BPIFA3: variants seen among roughly 807,000 people sequenced by gnomAD.
BPIFA3 encodes BPI fold containing family A member 3.
In BPIFA3, 32 loss-of-function variants were observed where a neutral mutation model predicts 29.7. The observed-to-expected ratio is 1.08, with a 90% CI of 0.81 to 1.45. BPIFA3 has a LOEUF of 1.45. Among genes scored for constraint, BPIFA3 ranks in the 40% most tolerant of loss-of-function variants. The probability of loss-of-function intolerance (pLI) is 0.00; values close to 1 mark genes in which losing one functional copy is unlikely to be tolerated. For synonymous variants in BPIFA3, 112 were observed against 113.7 expected, an observed-to-expected ratio of 0.98 and a Z score of 0.10; for missense variants, 323 against 311.3, an observed-to-expected ratio of 1.04 and a Z score of -0.28.
At position 33,217,434 on chromosome 20, in the gene BPIFA3, CT is replaced by C; in HGVS notation, c.-100del. On this transcript the variant is annotated 5_prime_UTR_variant, in exon 1 of 7. The change abolishes the stop of an existing upstream ORF in the 5' untranslated region. Coordinates refer to ENST00000375454, the MANE Select transcript of BPIFA3 (RefSeq NM_178466.5). ...TGCTGGGGGCTAATTCTGATGTCAT[CT>C]TTCTGCAGAAAACCATTAGACCATC... 1 of 1,430,856 alleles carries C rather than the reference CT, an allele frequency of 7.0e-7. No individual in the cohort carries two copies. The highest frequency in any genetic ancestry group is 2.4e-5 in the East Asian group (1 of 41,298). The allele number at this position is 1,430,856 out of a possible 1,614,324, so 88.6% of individuals were successfully genotyped here.
chr20:33,220,458 G>C (rs974973405), intron 1 of BPIFA3, among the ~76,000 whole-genome samples: 1 of 151,994 alleles, frequency 6.6e-6, no homozygotes. Flanking sequence ...AATTTAAAGA[G>C]AGTTGATATT....
rs901459180 is a variant in BPIFA3 at position 33,227,760 on chromosome 20, A to C, written c.*143A>C. 48 of 666,546 alleles carry C rather than the reference A, an allele frequency of 7.2e-5. No homozygotes were observed. The highest frequency in any genetic ancestry group is 6.9e-4 in the African/African-American group (38 of 55,320). 41.3% of individuals were successfully genotyped at this position (666,546 alleles called of 1,614,324 possible). A position where few individuals can be genotyped will look rare whatever the true frequency, so the allele number is the denominator to read the frequency against. ...AATAAACTCTAGCTCTGAAGGGTGC[A>C]CAGGTCCCTCCCACCTGGGCCCTGG... On this transcript the variant is annotated 3_prime_UTR_variant, in exon 7 of 7. Transcript: ENST00000375454.
At chr20:33,221,343 G>A (rs1300554918) in intron 1 of BPIFA3, among the ~76,000 whole-genome samples, 1 of 152,068 alleles carries the variant, frequency 6.6e-6, no homozygotes, top group Non-Finnish European at 1.5e-5. Context: ...TTTTAGTAGA[G>A]ACAGGGTTTC....
intron 4 of BPIFA3, chr20:33,225,946 C>T (rs1166929674): frequency 5.9e-6 from 1 of 169,800 alleles, no homozygotes; most frequent in African/African-American, 2.4e-5. Flanking sequence ...GTGAACAAGA[C>T]ACAAAATACA....
chr20:33,222,799 G>A (rs1985591364), intron 1 of BPIFA3, among the ~76,000 whole-genome samples: 1 of 152,184 alleles, frequency 6.6e-6, no homozygotes, highest in Non-Finnish European at 1.5e-5. Context: ...GAACTACTAA[G>A]AGTTCTGGGC....
Position 33,217,472 on chromosome 20 carries a change from C to T in BPIFA3, c.-65C>T, listed in dbSNP as rs1985305434. On this transcript the variant is annotated 5_prime_UTR_variant, in exon 1 of 7. Coordinates refer to ENST00000375454, the MANE Select transcript of BPIFA3 (RefSeq NM_178466.5). Reference sequence around the variant, plus strand: ...ACCATTAGACCATCCCTCCAGACTGCCACCCTCAAAGCCGTCTGCCCAGGC... The same window carrying T: ...ACCATTAGACCATCCCTCCAGACTGTCACCCTCAAAGCCGTCTGCCCAGGC... 5 of 1,575,880 alleles carry T rather than the reference C, an allele frequency of 3.2e-6. No individual in the cohort carries two copies. In the South Asian group the frequency reaches 4.7e-5, roughly 15 times the overall value.
Position 33,217,404 on chromosome 20 carries a change from C to T in BPIFA3, c.-133C>T. On this transcript the variant is annotated 5_prime_UTR_variant, in exon 1 of 7. Transcript: ENST00000375454. ...CAGGGTCCAGTGCAGCCCCTCCCCA[C>T]AGCATGCTGGGGGCTAATTCTGATG... 2 of 1,217,240 alleles carry T rather than the reference C, an allele frequency of 1.6e-6. No homozygotes were observed. The highest frequency in any genetic ancestry group is 2.0e-4 in the Middle Eastern group (1 of 5,082). 75.4% of individuals were successfully genotyped at this position (1,217,240 alleles called of 1,614,324 possible).
At chr20:33,226,841 C>T in intron 5 of BPIFA3, 89 bp from the exon 6 acceptor site, 1 of 1,530,032 alleles carries the variant, frequency 6.5e-7, no homozygotes, top group Non-Finnish European at 9.0e-7. Flanking sequence ...TGGAAAAAAT[C>T]CCATGGAGTT....
chr20:33,223,425 G>A (rs1246039629), intron 1 of BPIFA3: 1 of 162,452 alleles, frequency 6.2e-6, no homozygotes, highest in Non-Finnish European at 1.3e-5. Flanking sequence ...TCTAGACATG[G>A]TGTGGAGCAA....
chr20:33,220,513 A>G (rs1985463751), intron 1 of BPIFA3, among the ~76,000 whole-genome samples: 3 of 152,214 alleles, frequency 2.0e-5, no homozygotes, highest in Admixed American at 2.0e-4. Context: ...CCATTTATTC[A>G]GATTTTACTA....
At chr20:33,224,519 G>A in intron 3 of BPIFA3, 57 bp downstream of exon 3, 2 of 1,402,892 alleles carry the variant, frequency 1.4e-6, no homozygotes, top group Non-Finnish European at 2.0e-6. Flanking sequence ...AGGGAACCTG[G>A]GAAATTCAGA....
intron 4 of BPIFA3, 95 bp downstream of exon 4, chr20:33,225,342 A>T: frequency 6.5e-7 from 1 of 1,546,676 alleles, no homozygotes; most frequent in Non-Finnish European, 8.8e-7. Context: ...AATTAGTCCA[A>T]AGCAGATCTC....
rs745723283 is a variant in BPIFA3, at chr20:33,227,584, C to G, written c.732C>G (p.Pro244=). ...CAACCCACCATGAAACCAGCCAACC[C>G]TCTGCATGCCAGGCTGGAGAGTCCC... The part of the protein sequence containing the change: ...HEPTHHETSQ[P]SACQAGESPS The change falls in exon 7 of 7, where the codon CCC becomes CCG. Residue 244 remains proline, a synonymous_variant. Coordinates refer to ENST00000375454, the MANE Select transcript of BPIFA3 (RefSeq NM_178466.5). 2.5e-6 allele frequency: 4 copies of G among 1,614,128 alleles called. No homozygotes were observed. The highest frequency in any genetic ancestry group is 3.4e-6 in the Non-Finnish European group (4 of 1,180,000).
intron 2 of BPIFA3, 145 bp downstream of exon 2, chr20:33,224,106 C>A: frequency 8.7e-7 from 1 of 1,145,644 alleles, no homozygotes; most frequent in Non-Finnish European, 1.2e-6. Context: ...GGAAGGCCCA[C>A]ACAAGGAACA....
chr20:33,224,212 C>T (rs1219505408), intron 2 of BPIFA3, 143 bp from the exon 3 acceptor site: 2 of 816,822 alleles, frequency 2.4e-6, no homozygotes, highest in Non-Finnish European at 1.9e-6. Flanking sequence ...GACTCTTGCC[C>T]TCAGAGCATC....
chr20:33,220,612 C>T (rs1457796102), intron 1 of BPIFA3, among the ~76,000 whole-genome samples: 1 of 152,130 alleles, frequency 6.6e-6, no homozygotes, highest in Non-Finnish European at 1.5e-5. Flanking sequence ...GTTTTCATTG[C>T]CATAGTAAAT....
At position 33,224,473 on chromosome 20, in the gene BPIFA3, C is replaced by T; in HGVS notation, c.386+11C>T. 6.3e-7 allele frequency: 1 copy of T among 1,596,428 alleles called. No individual in the cohort carries two copies. The highest frequency in any genetic ancestry group is 8.6e-7 in the Non-Finnish European group (1 of 1,164,020). On this transcript the variant is annotated intron_variant, in intron 3 of 6. Transcript: ENST00000375454. The stretch of plus-strand genomic sequence containing the variant: ...CCTTGAATTGAGACCGTGAGTCATA[C>T]AGAAGCAGAATCTGAGAGGTGCTGG...
intron 1 of BPIFA3, 81 bp downstream of exon 1, chr20:33,217,744 C>A: frequency 6.7e-7 from 1 of 1,487,082 alleles, no homozygotes; most frequent in Non-Finnish European, 9.0e-7. Context: ...ACTGCTAACC[C>A]GCTGGGTGAC....
intron 1 of BPIFA3, 49 bp downstream of exon 1, chr20:33,217,712 G>C (rs1463647140): frequency 1.3e-6 from 2 of 1,572,894 alleles, no homozygotes; most frequent in South Asian, 2.3e-5. Flanking sequence ...CTGGGGAGGT[G>C]GGAAGGTGCC....
Sources: gnomAD v4.1 joint callset for allele counts (sites outside exome capture counted in the v4.1 genomes callset) on GRCh38, gnomAD v4.1.1 for gene constraint, MANE v1.5 for transcripts, NCBI Gene and HGNC (gene_info 2026-07-23, HGNC 2026-07-21) for gene names.